The following RNF150 variants were observed in gnomAD, a reference collection of about 807,000 sequenced individuals.
RNF150 encodes ring finger protein 150.
A neutral mutation model predicts 39.3 loss-of-function variants in RNF150; 24 were observed. The observed-to-expected ratio is 0.61, with a 90% CI of 0.44 to 0.86. The LOEUF (loss-of-function observed/expected upper bound fraction) is 0.86. Ranked by LOEUF, RNF150 falls within the 40% of genes least tolerant of loss-of-function variation. RNF150 has a pLI of 0.00. For missense variants in RNF150, 502 were observed against 587.8 expected, an observed-to-expected ratio of 0.85 and a Z score of 1.51; for synonymous variants, 255 against 227.3, an observed-to-expected ratio of 1.12 and a Z score of -1.10.
chr4:140,901,480 T>C (rs569802613), intron 6 of RNF150, among the ~76,000 whole-genome samples: 10 of 152,320 alleles, frequency 6.6e-5, no homozygotes, highest in South Asian at 4.1e-4. Flanking sequence ...CTGAATATCA[T>C]TGGAAGATAT....
At chr4:141,199,673 G>A (rs528823299) in intron 1 of RNF150, among the ~76,000 whole-genome samples, 8 of 152,270 alleles carry the variant, frequency 5.3e-5, no homozygotes, top group Admixed American at 5.2e-4. Flanking sequence ...CAGAGGATTG[G>A]CAGAGGGCTG....
intron 1 of RNF150, among the ~76,000 whole-genome samples, chr4:141,194,473 A>T (rs758574510): frequency 2.6e-5 from 4 of 152,202 alleles, no homozygotes; most frequent in African/African-American, 4.8e-5. Flanking sequence ...TGCCTTGTGA[A>T]TGCCAGATGT....
intron 1 of RNF150, among the ~76,000 whole-genome samples, chr4:140,989,588 A>G (rs1253478461): frequency 4.6e-5 from 7 of 152,356 alleles, no homozygotes; most frequent in African/African-American, 1.4e-4. Context: ...ATGACCTTAC[A>G]AACTGATGTC....
chr4:140,972,414 T>C (rs1386439648), intron 1 of RNF150, among the ~76,000 whole-genome samples: 3 of 152,150 alleles, frequency 2.0e-5, no homozygotes, highest in African/African-American at 4.8e-5. Flanking sequence ...ATCCTAGGAA[T>C]GTGAAGATGA....
At chr4:141,086,636 A>G (rs892079585) in intron 1 of RNF150, among the ~76,000 whole-genome samples, 1 of 151,914 alleles carries the variant, frequency 6.6e-6, no homozygotes, top group Admixed American at 6.6e-5. Flanking sequence ...ATCTGTATAC[A>G]TCTATAATAT....
At chr4:140,951,440 C>G (rs146339479) in intron 2 of RNF150, among the ~76,000 whole-genome samples, 210 of 152,088 alleles carry the variant, frequency 1.4e-3, no homozygotes, top group African/African-American at 4.7e-3. Context: ...CATACACACA[C>G]GTACACACAC....
chr4:141,070,011 C>T (rs1737628327), intron 1 of RNF150, among the ~76,000 whole-genome samples: 1 of 152,108 alleles, frequency 6.6e-6, no homozygotes, highest in African/African-American at 2.4e-5. Context: ...AAAAAACCAG[C>T]TCCTGGATTC....
intron 4 of RNF150, among the ~76,000 whole-genome samples, chr4:140,946,206 C>T (rs1489674604): frequency 6.6e-6 from 1 of 152,200 alleles, no homozygotes; most frequent in Non-Finnish European, 1.5e-5. Context: ...TTCCCTAATG[C>T]CTATTTTCCT....
In RNF150 at chr4:141,132,828, C is replaced by G. The variant is rs1159411604; in HGVS notation, c.-20G>C. 1.9e-6 allele frequency: 3 copies of G among 1,600,938 alleles called. No homozygotes were observed. Among genetic ancestry groups the G allele is most frequent in the Non-Finnish European group, 2.6e-6 (3 of 1,171,642 alleles). On this transcript the variant is annotated 5_prime_UTR_variant, in exon 1 of 7. Coordinates refer to ENST00000515673, the MANE Select transcript of RNF150 (RefSeq NM_020724.2). This position sits in a 1 kb window ranked among gnomAD's most constrained non-coding sequence, Gnocchi z 4.9. The stretch of plus-strand genomic sequence containing the variant: ...TGCCATCTTTATCCGCCGGGGCCCC[C>G]TCCCCGCCCCCGCGCCCTCCCTCCG...
intron 1 of RNF150, among the ~76,000 whole-genome samples, chr4:141,093,974 T>C (rs1407682614): frequency 6.6e-6 from 1 of 152,034 alleles, no homozygotes; most frequent in Non-Finnish European, 1.5e-5. Context: ...AAAAAGCAAA[T>C]TTGCAGAAAT....
chr4:141,118,063 C>T (rs558794217), intron 1 of RNF150, among the ~76,000 whole-genome samples: 128 of 152,222 alleles, frequency 8.4e-4, no homozygotes, highest in African/African-American at 3.0e-3. Flanking sequence ...TGCTGACAGC[C>T]CCCTCCCCTC....
chr4:141,004,476 C>A (rs753321150), intron 1 of RNF150, among the ~76,000 whole-genome samples: 1 of 152,100 alleles, frequency 6.6e-6, no homozygotes, highest in Admixed American at 6.6e-5. Context: ...TATAACCTCT[C>A]GAACTCTAAA....
intron 4 of RNF150, among the ~76,000 whole-genome samples, chr4:140,935,974 C>T (rs1400531286): frequency 2.0e-5 from 3 of 152,190 alleles, no homozygotes; most frequent in African/African-American, 7.2e-5. Context: ...GACCATCATT[C>T]TAACATCTGT....
At chr4:141,142,212 A>G (rs1727127724) in intron 1 of RNF150, among the ~76,000 whole-genome samples, 1 of 152,136 alleles carries the variant, frequency 6.6e-6, no homozygotes, top group Admixed American at 6.5e-5. Flanking sequence ...CCATCTTCCC[A>G]CCACCTGATC....
At chr4:141,184,442 T>A (rs1238036563) in intron 1 of RNF150, among the ~76,000 whole-genome samples, 1 of 152,150 alleles carries the variant, frequency 6.6e-6, no homozygotes, top group African/African-American at 2.4e-5. Flanking sequence ...TTTTCTCCCA[T>A]TTTGTAGGTT....
At chr4:140,953,952 A>G (rs1237829085) in intron 2 of RNF150, among the ~76,000 whole-genome samples, 1 of 152,150 alleles carries the variant, frequency 6.6e-6, no homozygotes, top group African/African-American at 2.4e-5. Context: ...GGCCCTGCTC[A>G]AACTAAGTCT....
chr4:140,986,727 C>T (rs1046576655), intron 1 of RNF150, among the ~76,000 whole-genome samples: 2 of 151,930 alleles, frequency 1.3e-5, no homozygotes, highest in Non-Finnish European at 1.5e-5. Context: ...ATGCAAATAC[C>T]GTTTACTGTA....
intron 1 of RNF150, among the ~76,000 whole-genome samples, chr4:141,185,012 A>ATTTTT (rs33941568): frequency 6.6e-6 from 1 of 150,954 alleles, no homozygotes; most frequent in Non-Finnish European, 1.5e-5. Flanking sequence ...ATACAGGCTC[A>ATTTTT]TTTTTTTTTG....
At chr4:140,953,566 GA>G (rs1732622710) in intron 2 of RNF150, among the ~76,000 whole-genome samples, 1 of 150,570 alleles carries the variant, frequency 6.6e-6, no homozygotes, top group Non-Finnish European at 1.5e-5. Flanking sequence ...CAAAATTAGG[GA>G]AAAAACAACA....
Sources: allele counts gnomAD v4.1 joint callset (sites outside exome capture counted in the v4.1 genomes callset), GRCh38; gene constraint gnomAD v4.1.1; non-coding constraint Gnocchi (gnomAD v3.1); transcripts MANE v1.5; gene names NCBI Gene and HGNC (gene_info 2026-07-23, HGNC 2026-07-21).